PTPRM: variants seen among roughly 807,000 people sequenced by gnomAD.
PTPRM encodes the protein receptor-type tyrosine-protein phosphatase mu.
Under a neutral mutation model 186.7 loss-of-function variants are expected in PTPRM, and 47 were observed. The observed-to-expected ratio is 0.25, with a 90% CI of 0.20 to 0.32. PTPRM has a LOEUF of 0.32. PTPRM is among the 10% of genes least tolerant of loss of function. The pLI is 1.00. For missense variants in PTPRM, 1,494 were observed against 1,865.0 expected (o/e 0.80, Z 3.66); for synonymous variants, 668 against 674.9 (o/e 0.99, Z 0.16).
intron 2 of PTPRM, among the ~76,000 whole-genome samples, chr18:7,846,333 A>C (rs1024436236): frequency 5.3e-5 from 8 of 152,220 alleles, no homozygotes; most frequent in African/African-American, 1.9e-4. Flanking sequence ...ATAAAGGAAA[A>C]TGTTTATATT....
intron 1 of PTPRM, among the ~76,000 whole-genome samples, chr18:7,688,439 C>T (rs919724704): frequency 6.6e-6 from 1 of 152,170 alleles, no homozygotes; most frequent in Admixed American, 6.5e-5. Context: ...AAAAGCTGCT[C>T]AGACATCTGA....
chr18:8,312,012 G>T (rs1189841944), intron 20 of PTPRM, among the ~76,000 whole-genome samples: 2 of 152,160 alleles, frequency 1.3e-5, no homozygotes, highest in Non-Finnish European at 1.5e-5. Context: ...TGCTTAGATT[G>T]CAAGGTTCTA....
At chr18:8,165,191 A>T (rs1169218049) in intron 14 of PTPRM, among the ~76,000 whole-genome samples, 1 of 151,790 alleles carries the variant, frequency 6.6e-6, no homozygotes, top group Non-Finnish European at 1.5e-5. Flanking sequence ...AAAGAAAGAA[A>T]GAAAGAAATG....
intron 2 of PTPRM, among the ~76,000 whole-genome samples, chr18:7,850,556 A>G (rs965837663): frequency 6.6e-6 from 1 of 152,190 alleles, no homozygotes; most frequent in Non-Finnish European, 1.5e-5. Flanking sequence ...TGTGAAATTC[A>G]TATTTTGCTA....
At chr18:8,200,233 T>TGCCGTGGTGCAGGG (rs2093835536) in intron 14 of PTPRM, among the ~76,000 whole-genome samples, 1 of 152,060 alleles carries the variant, frequency 6.6e-6, no homozygotes, top group Non-Finnish European at 1.5e-5. Context: ...CAGACATCAT[T>TGCCGTGGTGCAGGG]GCCGTGGTGC....
At chr18:7,846,111 A>G (rs1396014707) in intron 2 of PTPRM, among the ~76,000 whole-genome samples, 2 of 152,168 alleles carry the variant, frequency 1.3e-5, no homozygotes, top group East Asian at 3.9e-4. Context: ...ATTCTAGAGG[A>G]TGACAGCTGA....
intron 21 of PTPRM, among the ~76,000 whole-genome samples, chr18:8,315,269 A>G (rs2095300868): frequency 1.3e-5 from 2 of 152,210 alleles, no homozygotes. Context: ...TTGCATATTA[A>G]TGGGACAAAA....
chr18:7,826,443 G>A (rs550800703), intron 2 of PTPRM, among the ~76,000 whole-genome samples: 1 of 152,320 alleles, frequency 6.6e-6, no homozygotes, highest in African/African-American at 2.4e-5. Flanking sequence ...TGACTTATTA[G>A]TTGTGCTATC....
intron 1 of PTPRM, among the ~76,000 whole-genome samples, chr18:7,773,338 G>T (rs575353388): frequency 6.6e-6 from 1 of 152,206 alleles, no homozygotes; most frequent in East Asian, 1.9e-4. Context: ...CTGTACCATG[G>T]TTTGTACTGC....
chr18:8,341,068 C>CAA (rs11283252), intron 22 of PTPRM, among the ~76,000 whole-genome samples: 2 of 152,020 alleles, frequency 1.3e-5, no homozygotes, highest in African/African-American at 4.8e-5. Context: ...GGTTTAATTC[C>CAA]GGCTGTGCTG....
chr18:8,112,594 T>A (rs1247007835), intron 11 of PTPRM, among the ~76,000 whole-genome samples: 1 of 152,212 alleles, frequency 6.6e-6, no homozygotes, highest in Non-Finnish European at 1.5e-5. Flanking sequence ...TTTCTCAGCA[T>A]GAGAAAGGTT....
rs369260093 is a variant in PTPRM at position 7,713,262 on chromosome 18, C to G, written c.74-60887C>G. On this transcript the variant is annotated intron_variant, in intron 1 of 32. Coordinates refer to ENST00000580170, the MANE Select transcript of PTPRM (RefSeq NM_001105244.2). ...TTTCAACCTAGAATTTCATATCTAG[C>G]CAAACTAAGCTTCATAATTCAAGGA... is the stretch of plus-strand genomic sequence containing the variant. Among the ~76,000 whole-genome samples, 4 of 152,238 alleles carry G rather than the reference C, an allele frequency of 2.6e-5. No individual in the cohort carries two copies. The East Asian group carries it at 5.8e-4, about 22-fold the overall frequency.
intron 2 of PTPRM, among the ~76,000 whole-genome samples, chr18:7,887,031 A>G (rs1246339680): frequency 6.6e-6 from 1 of 152,200 alleles, no homozygotes; most frequent in Non-Finnish European, 1.5e-5. Context: ...ACATATTAAC[A>G]TATATACACA....
chr18:7,592,182 T>A (rs534014631), intron 1 of PTPRM, among the ~76,000 whole-genome samples: 1 of 152,284 alleles, frequency 6.6e-6, no homozygotes, highest in Non-Finnish European at 1.5e-5. Flanking sequence ...AGACTTGTTT[T>A]AAATTGGATG....
chr18:7,865,412 C>T (rs1352514833), intron 2 of PTPRM, among the ~76,000 whole-genome samples: 2 of 152,098 alleles, frequency 1.3e-5, no homozygotes, highest in South Asian at 2.1e-4. Context: ...TGAATTTTGT[C>T]GAAGGCCTTT....
At chr18:7,719,421 T>C (rs1341387120) in intron 1 of PTPRM, among the ~76,000 whole-genome samples, 2 of 152,082 alleles carry the variant, frequency 1.3e-5, no homozygotes, top group African/African-American at 4.8e-5. Context: ...AAAGATGACA[T>C]ATTGGGTACA....
intron 2 of PTPRM, among the ~76,000 whole-genome samples, chr18:7,858,782 A>G (rs1391393787): frequency 6.6e-6 from 1 of 152,216 alleles, no homozygotes; most frequent in Admixed American, 6.5e-5. Context: ...TGTTCCATCT[A>G]CTAAATAATG....
intron 2 of PTPRM, among the ~76,000 whole-genome samples, chr18:7,861,465 C>A (rs1382994724): frequency 6.6e-6 from 1 of 152,104 alleles, no homozygotes; most frequent in African/African-American, 2.4e-5. Context: ...CAGGTGACAG[C>A]ATAATATTTA....
intron 19 of PTPRM, among the ~76,000 whole-genome samples, chr18:8,294,921 G>T (rs1216149970): frequency 6.6e-6 from 1 of 152,130 alleles, no homozygotes; most frequent in African/African-American, 2.4e-5. Context: ...TGGGGCTAGG[G>T]TCTTCTCCAG....
Sources: allele counts gnomAD v4.1 joint callset (sites outside exome capture counted in the v4.1 genomes callset), GRCh38; gene constraint gnomAD v4.1.1; transcripts MANE v1.5; gene names NCBI Gene and HGNC (gene_info 2026-07-23, HGNC 2026-07-21).